Variants in ZNF618 observed in about 807,000 individuals in gnomAD.
ZNF618 encodes the protein neural precursor cell expressed, developmentally down-regulated 10.
In ZNF618, 34 loss-of-function variants were observed where a neutral mutation model predicts 103.0. That is an observed-to-expected ratio of 0.33 (90% CI 0.25 to 0.44). The LOEUF is 0.44. Among genes scored for constraint, ZNF618 ranks in the 20% least tolerant of loss-of-function variants. ZNF618 has a pLI of 1.00. For synonymous variants in ZNF618, 551 were observed against 542.2 expected (o/e 1.02, Z -0.23); for missense variants, 1,059 against 1,295.4 (o/e 0.82, Z 2.80).
intron 1 of ZNF618, among the ~76,000 whole-genome samples, chr9:113,917,407 C>T (rs567772211): frequency 1.4e-4 from 21 of 151,144 alleles, no homozygotes; most frequent in Admixed American, 7.9e-4. Context: ...CCACCACACT[C>T]GTCTATTTTT....
At chr9:114,022,958 T>C (rs1041155427) in intron 10 of ZNF618, among the ~76,000 whole-genome samples, 3 of 152,152 alleles carry the variant, frequency 2.0e-5, no homozygotes, top group African/African-American at 4.8e-5. Flanking sequence ...CCATGACAGC[T>C]TTCTTAGGAT....
intron 4 of ZNF618, among the ~76,000 whole-genome samples, chr9:113,999,739 TAA>T (rs1840995321): frequency 6.6e-6 from 1 of 152,242 alleles, no homozygotes; most frequent in Non-Finnish European, 1.5e-5. Flanking sequence ...CTTGCTGCCC[TAA>T]CGCCATCATC....
intron 3 of ZNF618, among the ~76,000 whole-genome samples, chr9:113,989,480 C>A (rs1839816850): frequency 6.6e-6 from 1 of 152,202 alleles, no homozygotes; most frequent in African/African-American, 2.4e-5. Flanking sequence ...AGTTTGCAAC[C>A]CCTGGTCTGT....
At chr9:113,951,516 T>TGCGCAC (rs1491574870) in intron 1 of ZNF618, among the ~76,000 whole-genome samples, 7 of 83,334 alleles carry the variant, frequency 8.4e-5, no homozygotes, top group Non-Finnish European at 1.7e-4. Flanking sequence ...TATATGTGTG[T>TGCGCAC]ATATGTACAC....
chr9:114,033,808 C>T (rs888513630), intron 12 of ZNF618, among the ~76,000 whole-genome samples: 2 of 151,748 alleles, frequency 1.3e-5, no homozygotes, highest in African/African-American at 4.9e-5. Flanking sequence ...TAATTCACTA[C>T]ATATTAGGTG....
In ZNF618 at chr9:114,048,716, C is replaced by T. The variant is rs1339632355; in HGVS notation, c.1414C>T (p.Arg472Trp). 8 of 1,613,996 alleles carry T rather than the reference C, an allele frequency of 5.0e-6. No homozygotes were observed. The highest frequency in any genetic ancestry group is 2.2e-5 in the East Asian group (1 of 44,880). ...PEKERQNIAERLLRVMCADLG... is the reference protein window; with the variant it reads ...PEKERQNIAEWLLRVMCADLG... ...AAAGGAGCGGCAGAACATCGCAGAG[C>T]GGCTGTTGAGGGTCATGTGTGCCGA... The change falls in exon 15 of 15, where the codon CGG becomes TGG. Residue 472 changes from arginine to tryptophan, a missense_variant. Transcript: ENST00000374126.
At chr9:113,962,361 T>G (rs539836241) in intron 1 of ZNF618, among the ~76,000 whole-genome samples, 1 of 152,330 alleles carries the variant, frequency 6.6e-6, no homozygotes, top group East Asian at 1.9e-4. Flanking sequence ...TCCGTAGCCC[T>G]GCCAGCCTTC....
Position 113,998,243 on chromosome 9 carries a change from T to A in ZNF618, c.338-16T>A. ...TCCAACTTTAAGGGCTCTTTCTGAT[T>A]TCTTACGTAATTCAGATGGAAAAGC... On this transcript the variant is annotated splice_polypyrimidine_tract_variant and intron_variant, in intron 3 of 14. Transcript: ENST00000374126. The A allele has an allele frequency of 6.5e-7, 1 of 1,550,346 alleles. No individual in the cohort carries two copies. Among genetic ancestry groups the A allele is most frequent in the Non-Finnish European group, 8.7e-7 (1 of 1,146,806 alleles).
At chr9:113,883,112 C>G (rs1174757245) in intron 1 of ZNF618, among the ~76,000 whole-genome samples, 1 of 152,224 alleles carries the variant, frequency 6.6e-6, no homozygotes, top group Non-Finnish European at 1.5e-5. Context: ...TAGCTCAGAT[C>G]AGTGGGCTTT....
chr9:113,996,073 G>A (rs1840564314), intron 3 of ZNF618, among the ~76,000 whole-genome samples: 1 of 152,100 alleles, frequency 6.6e-6, no homozygotes, highest in Non-Finnish European at 1.5e-5. Context: ...CACACCCCCA[G>A]GAGATTTGTG....
At chr9:114,024,803 T>C (rs1333055502) in intron 10 of ZNF618, among the ~76,000 whole-genome samples, 1 of 151,670 alleles carries the variant, frequency 6.6e-6, no homozygotes, top group Non-Finnish European at 1.5e-5. Flanking sequence ...TATAGTTTGG[T>C]ATTCAGCCAG....
At chr9:113,890,970 C>A (rs1829567303) in intron 1 of ZNF618, among the ~76,000 whole-genome samples, 1 of 152,172 alleles carries the variant, frequency 6.6e-6, no homozygotes, top group South Asian at 2.1e-4. Flanking sequence ...TTTTCCTTTA[C>A]ATTTTTAAAG....
chr9:113,918,024 A>G (rs1439917537), intron 1 of ZNF618, among the ~76,000 whole-genome samples: 2 of 152,122 alleles, frequency 1.3e-5, no homozygotes, highest in South Asian at 4.1e-4. Flanking sequence ...CCCACATTGC[A>G]CTTAGTTGTC....
intron 3 of ZNF618, 140 bp from the exon 4 acceptor site, chr9:113,998,119 C>A: frequency 1.3e-6 from 1 of 748,282 alleles, no homozygotes; most frequent in Non-Finnish European, 2.2e-6. Context: ...TGCCCCTTGG[C>A]CAGCACAAGG....
At chr9:113,883,854 T>C (rs1054292436) in intron 1 of ZNF618, among the ~76,000 whole-genome samples, 1 of 152,186 alleles carries the variant, frequency 6.6e-6, no homozygotes, top group South Asian at 2.1e-4. Flanking sequence ...CCAAAAGCTG[T>C]TATAAAATCG....
intron 10 of ZNF618, 123 bp from the exon 11 acceptor site, chr9:114,028,610 G>A: frequency 7.6e-7 from 1 of 1,320,408 alleles, no homozygotes; most frequent in Non-Finnish European, 1.0e-6. Flanking sequence ...CTTGTTCTCT[G>A]TGGCACAAGA....
intron 12 of ZNF618, among the ~76,000 whole-genome samples, chr9:114,034,106 C>T (rs369920517): frequency 2.0e-5 from 3 of 152,308 alleles, no homozygotes; most frequent in East Asian, 3.9e-4. Flanking sequence ...CAGTGAGTCC[C>T]TGGCACAGAT....
At position 113,996,284 on chromosome 9, in the gene ZNF618, A is replaced by G. The variant is rs569247220; in HGVS notation, c.338-1975A>G. Among the ~76,000 whole-genome samples the G allele has an allele frequency of 7.3e-4, 111 of 152,258 alleles. 1 individual carries two copies. The highest frequency in any genetic ancestry group is 2.5e-3 in the African/African-American group (104 of 41,554). On this transcript the variant is annotated intron_variant, in intron 3 of 14. Transcript: ENST00000374126. ...TGTTCTCTGAACAGTGGCTCCTGAG[A>G]CGCTCTGAGCTAAATATGGGACTGT... is the stretch of plus-strand genomic sequence containing the variant.
At chr9:113,914,095 A>G (rs916740557) in intron 1 of ZNF618, among the ~76,000 whole-genome samples, 1 of 152,090 alleles carries the variant, frequency 6.6e-6, no homozygotes, top group South Asian at 2.1e-4. Flanking sequence ...TTTATTTAAC[A>G]TGCTGCTGGC....
Sources: gnomAD v4.1 joint callset for allele counts (sites outside exome capture counted in the v4.1 genomes callset) on GRCh38, gnomAD v4.1.1 for gene constraint, MANE v1.5 for transcripts, NCBI Gene and HGNC (gene_info 2026-07-23, HGNC 2026-07-21) for gene names.